ASTN2: variants seen among roughly 807,000 people sequenced by gnomAD.
ASTN2 encodes the protein astrotactin 2, also known as astrotactin-2.
ASTN2 carries 54 observed loss-of-function variants against 139.8 expected under a neutral mutation model. That is an observed-to-expected ratio of 0.39 (90% CI 0.31 to 0.48). The LOEUF is 0.48. ASTN2 is among the 20% of genes least tolerant of loss of function. ASTN2 has a pLI of 0.95. For synonymous variants in ASTN2, 756 were observed against 719.5 expected, an observed-to-expected ratio of 1.05 and a Z score of -0.81; for missense variants, 1,565 against 1,725.1, an observed-to-expected ratio of 0.91 and a Z score of 1.64.
intron 11 of ASTN2, among the ~76,000 whole-genome samples, chr9:116,839,878 A>ATT (rs1297483642): frequency 6.8e-4 from 71 of 104,758 alleles, no homozygotes; most frequent in African/African-American, 3.3e-3. Context: ...TATTATTATT[A>ATT]TTATTTTTTT....
intron 19 of ASTN2, among the ~76,000 whole-genome samples, chr9:116,531,348 G>A (rs1587947242): frequency 6.6e-6 from 1 of 152,160 alleles, no homozygotes; most frequent in East Asian, 1.9e-4. Flanking sequence ...TGATACAGAG[G>A]CCCTCTGCTT....
intron 11 of ASTN2, among the ~76,000 whole-genome samples, chr9:116,849,299 G>T (rs1272786522): frequency 2.0e-5 from 3 of 152,104 alleles, no homozygotes; most frequent in African/African-American, 7.2e-5. Flanking sequence ...CTTCTCCCCA[G>T]TTCAGAGGTT....
rs976697143 is a variant in ASTN2, at chr9:117,334,911, C to A, written c.443-43398G>T. 2.0e-5 allele frequency among the ~76,000 whole-genome samples: 3 copies of A among 152,032 alleles called. 1 individual carries two copies. In the South Asian group the frequency reaches 6.2e-4, roughly 32 times the overall value. ...TCTACTAAAAATACAAAAAATTAGC[C>A]AGGCGTGGTGGCCTGTGCCTGTAAT... On this transcript the variant is annotated intron_variant, in intron 1 of 22. Coordinates refer to ENST00000313400, the MANE Select transcript of ASTN2 (RefSeq NM_001365068.1).
intron 10 of ASTN2, among the ~76,000 whole-genome samples, chr9:116,928,930 C>T (rs1834828245): frequency 6.6e-6 from 1 of 152,136 alleles, no homozygotes; most frequent in South Asian, 2.1e-4. Flanking sequence ...ACTGGAAGCA[C>T]AGAGAGGTGA....
intron 4 of ASTN2, among the ~76,000 whole-genome samples, chr9:117,134,813 G>A (rs1406074237): frequency 5.3e-5 from 8 of 152,080 alleles, no homozygotes; most frequent in Non-Finnish European, 1.0e-4. Flanking sequence ...TGAAGTACTG[G>A]TAGGCCGAGA....
chr9:116,643,007 T>G lies in ASTN2; in HGVS notation c.3072+8521A>C, dbSNP rs563939561. Among the ~76,000 whole-genome samples, 6 of 152,306 alleles carry G rather than the reference T, an allele frequency of 3.9e-5. No homozygotes were observed. The South Asian group carries it at 1.2e-3, about 32-fold the overall frequency. ...ACTCAGACATTCTGGGTTTGAATTC[T>G]CACCCCACAATTCACTAGCCATGTT... On this transcript the variant is annotated intron_variant, in intron 17 of 22. Transcript: ENST00000313400.
At chr9:116,540,732 T>A (rs906508732) in intron 19 of ASTN2, 1 of 152,232 alleles carries the variant, frequency 6.6e-6, no homozygotes, top group African/African-American at 2.4e-5. Context: ...CTAAGTTCCA[T>A]CCAACAGGTG....
intron 7 of ASTN2, among the ~76,000 whole-genome samples, chr9:116,983,847 T>C (rs1836591643): frequency 1.3e-5 from 2 of 152,198 alleles, no homozygotes; most frequent in African/African-American, 4.8e-5. Flanking sequence ...GGATGAGAGA[T>C]GTGTGGAATA....
chr9:117,393,128 G>T (rs1017721883), intron 1 of ASTN2, among the ~76,000 whole-genome samples: 1 of 152,324 alleles, frequency 6.6e-6, no homozygotes, highest in South Asian at 2.1e-4. Flanking sequence ...CCTCAGCCAA[G>T]AATCTCACTT....
chr9:117,231,173 G>A (rs867630713), intron 2 of ASTN2, among the ~76,000 whole-genome samples: 1 of 152,198 alleles, frequency 6.6e-6, no homozygotes, highest in Non-Finnish European at 1.5e-5. Context: ...AGTGATGTTA[G>A]CAGTAGTATC....
chr9:117,340,066 C>T (rs1035559799), intron 1 of ASTN2, among the ~76,000 whole-genome samples: 3 of 151,798 alleles, frequency 2.0e-5, no homozygotes, highest in African/African-American at 7.3e-5. Flanking sequence ...TCAGACCCTC[C>T]CTGTCCTCAT....
intron 3 of ASTN2, among the ~76,000 whole-genome samples, chr9:117,176,673 C>T (rs1042850644): frequency 2.0e-5 from 3 of 152,160 alleles, no homozygotes; most frequent in African/African-American, 7.2e-5. Flanking sequence ...TGGCTTACAC[C>T]TCTAAACCCC....
Position 116,430,641 on chromosome 9 carries a change from T to C in ASTN2, c.3783-4553A>G, listed in dbSNP as rs1206071374. ...CAGTTTTCTCCTGTGTAAATGAAAA[T>C]AGAAATATTTATTTTGTAGGGCTGT... On this transcript the variant is annotated intron_variant, in intron 22 of 22. Coordinates refer to ENST00000313400, the MANE Select transcript of ASTN2 (RefSeq NM_001365068.1). Among the ~76,000 whole-genome samples, 9 of 152,310 alleles carry C rather than the reference T, an allele frequency of 5.9e-5. No homozygotes were observed. The East Asian group carries it at 1.2e-3, about 20-fold the overall frequency.
chr9:116,917,581 A>C (rs1184558164), intron 10 of ASTN2, among the ~76,000 whole-genome samples: 2 of 152,208 alleles, frequency 1.3e-5, no homozygotes, highest in Non-Finnish European at 2.9e-5. Context: ...GAAATGCAGA[A>C]TCCCAGGCCT....
chr9:116,690,098 A>G (rs960947937), intron 16 of ASTN2, among the ~76,000 whole-genome samples: 3 of 152,270 alleles, frequency 2.0e-5, no homozygotes, highest in Non-Finnish European at 2.9e-5. Flanking sequence ...ACATCCCTAA[A>G]AGAAAATATG....
At chr9:117,104,460 C>T (rs770604042) in intron 4 of ASTN2, among the ~76,000 whole-genome samples, 2 of 151,922 alleles carry the variant, frequency 1.3e-5, no homozygotes, top group Non-Finnish European at 2.9e-5. Flanking sequence ...GGTATGAATG[C>T]CATTCTGTGT....
At chr9:116,972,289 T>C (rs1478397051) in intron 10 of ASTN2, among the ~76,000 whole-genome samples, 2 of 152,212 alleles carry the variant, frequency 1.3e-5, no homozygotes, top group African/African-American at 2.4e-5. Flanking sequence ...GTTAGATTCA[T>C]CCAAGGTGCT....
chr9:116,858,265 T>G (rs1233831932), intron 11 of ASTN2, among the ~76,000 whole-genome samples: 1 of 152,154 alleles, frequency 6.6e-6, no homozygotes, highest in East Asian at 1.9e-4. Flanking sequence ...TGGGGTAGTT[T>G]GTTATAAAAC....
chr9:116,699,155 A>C lies in ASTN2; in HGVS notation c.2806+26616T>G. On this transcript the variant is annotated intron_variant, in intron 16 of 22. Coordinates refer to ENST00000313400, the MANE Select transcript of ASTN2 (RefSeq NM_001365068.1). The surrounding 1 kb of genome is among the most constrained non-coding windows in gnomAD (Gnocchi z 4.2). ...CCTGTCACAGGAGCCAGCTGAGCAA[A>C]CCATGGGGTATCACAGCCTTGCCAT... The C allele has an allele frequency of 6.2e-7, 1 of 1,614,238 alleles. No individual in the cohort carries two copies. The highest frequency in any genetic ancestry group is 8.5e-7 in the Non-Finnish European group (1 of 1,180,040).
Sources: allele counts gnomAD v4.1 joint callset (sites outside exome capture counted in the v4.1 genomes callset), GRCh38; gene constraint gnomAD v4.1.1; non-coding constraint Gnocchi (gnomAD v3.1); transcripts MANE v1.5; gene names NCBI Gene and HGNC (gene_info 2026-07-23, HGNC 2026-07-21).